Variants in LEMD1 observed in about 807,000 individuals in gnomAD.
The protein encoded by LEMD1 is LEM domain-containing protein 1.
In LEMD1, 18 loss-of-function variants were observed where a neutral mutation model predicts 17.4. The ratio of observed to expected loss-of-function variants is 1.04; its 90% confidence interval spans 0.72 to 1.54. LEMD1 has a LOEUF of 1.54. Ranked by LOEUF, LEMD1 falls within the 40% of genes most tolerant of loss-of-function variation. The pLI, the probability that LEMD1 is intolerant of heterozygous loss-of-function variation, is 0.00. For missense variants in LEMD1, 195 were observed against 210.4 expected (o/e 0.93, Z 0.45); for synonymous variants, 88 against 77.8 (o/e 1.13, Z -0.69).
intron 4 of LEMD1, among the ~76,000 whole-genome samples, chr1:205,411,700 AGG>A (rs1665458769): frequency 1.3e-5 from 2 of 151,490 alleles, no homozygotes; most frequent in African/African-American, 4.9e-5. Flanking sequence ...AGAAAGAAAA[AGG>A]AAGAAAGAAA....
chr1:205,416,398 A>AT, intron 3 of LEMD1, 102 bp from the exon 4 acceptor site: 1 of 797,072 alleles, frequency 1.3e-6, no homozygotes, highest in Non-Finnish European at 2.0e-6. Flanking sequence ...ATTAGAGGAC[A>AT]TTTTTGCAAG....
At chr1:205,410,790 C>T (rs1665354198) in intron 4 of LEMD1, among the ~76,000 whole-genome samples, 1 of 151,706 alleles carries the variant, frequency 6.6e-6, no homozygotes, top group African/African-American at 2.4e-5. Context: ...AACTTGAGCT[C>T]AAGGAGGTCA....
At chr1:205,401,771 C>T (rs1488124156) in intron 4 of LEMD1, among the ~76,000 whole-genome samples, 1 of 152,050 alleles carries the variant, frequency 6.6e-6, no homozygotes, top group Non-Finnish European at 1.5e-5. Flanking sequence ...ACATGAAGTC[C>T]TTGCCCATGC....
At chr1:205,406,480 G>A (rs867750091) in intron 4 of LEMD1, among the ~76,000 whole-genome samples, 10 of 152,342 alleles carry the variant, frequency 6.6e-5, no homozygotes, top group South Asian at 6.2e-4. Flanking sequence ...AGCAATCAGC[G>A]AGACTCTGTG....
chr1:205,405,888 A>T (rs35240802), intron 4 of LEMD1, among the ~76,000 whole-genome samples: 6 of 151,076 alleles, frequency 4.0e-5, no homozygotes, highest in Non-Finnish European at 8.9e-5. Flanking sequence ...TTTGGTGTGG[A>T]TGTCCTTTCT....
intron 1 of LEMD1, among the ~76,000 whole-genome samples, chr1:205,442,272 G>A (rs968203097): frequency 6.6e-6 from 1 of 152,168 alleles, no homozygotes; most frequent in Non-Finnish European, 1.5e-5. Context: ...TGCGGAAGGG[G>A]TTTGGAATAG....
intron 1 of LEMD1, among the ~76,000 whole-genome samples, chr1:205,443,276 T>C (rs544924089): frequency 2.9e-4 from 44 of 152,330 alleles, no homozygotes; most frequent in African/African-American, 1.1e-3. Flanking sequence ...GCTCAGGGTC[T>C]CTGGCCCCAG....
intron 1 of LEMD1, among the ~76,000 whole-genome samples, chr1:205,447,294 G>A (rs1386003771): frequency 2.0e-5 from 3 of 152,340 alleles, no homozygotes; most frequent in Non-Finnish European, 4.4e-5. Context: ...AGGATGAAAT[G>A]GGTTAGTGCA....
intron 4 of LEMD1, among the ~76,000 whole-genome samples, chr1:205,391,058 T>C (rs1052510582): frequency 7.9e-5 from 12 of 152,072 alleles, no homozygotes; most frequent in Non-Finnish European, 1.6e-4. Flanking sequence ...AAGTACCCCC[T>C]GAATCTAAAA....
At chr1:205,424,801 G>A (rs1273521557), upstream of LEMD1, among the ~76,000 whole-genome samples, 1 of 152,142 alleles carries the variant, frequency 6.6e-6, no homozygotes, top group Non-Finnish European at 1.5e-5. Context: ...CACACTAAGG[G>A]CTCTGCCTTC....
At chr1:205,412,135 C>T (rs764815022) in intron 4 of LEMD1, among the ~76,000 whole-genome samples, 6 of 152,162 alleles carry the variant, frequency 3.9e-5, no homozygotes, top group Non-Finnish European at 5.9e-5. Context: ...ATACGGCCAC[C>T]TTACTCAAAG....
intron 4 of LEMD1, among the ~76,000 whole-genome samples, chr1:205,394,674 C>A (rs559293666): frequency 6.6e-6 from 1 of 152,240 alleles, no homozygotes; most frequent in East Asian, 1.9e-4. Context: ...CATGAGCCAC[C>A]AAGTCTGGCC....
intron 4 of LEMD1, among the ~76,000 whole-genome samples, chr1:205,401,659 C>G (rs1320848630): frequency 6.6e-6 from 1 of 152,152 alleles, no homozygotes; most frequent in Admixed American, 6.5e-5. Flanking sequence ...CCTGTTCACT[C>G]TTTTGCTGTG....
At chr1:205,392,692 AAC>A (rs1014628699) in intron 4 of LEMD1, among the ~76,000 whole-genome samples, 1 of 152,278 alleles carries the variant, frequency 6.6e-6, no homozygotes, top group African/African-American at 2.4e-5. Flanking sequence ...GAAAAAAATA[AAC>A]AGTGTCTCAG....
chr1:205,434,177 T>A (rs1266016239), intron 1 of LEMD1, among the ~76,000 whole-genome samples: 1 of 53,894 alleles, frequency 1.9e-5, no homozygotes, highest in Non-Finnish European at 5.9e-5. Context: ...CAACTAAGGA[T>A]TCTTATCTTT....
intron 3 of LEMD1, among the ~76,000 whole-genome samples, chr1:205,417,822 T>C (rs1465269937): frequency 1.2e-4 from 12 of 96,602 alleles, no homozygotes; most frequent in Non-Finnish European, 1.7e-4. Context: ...TTTTTGTAGA[T>C]CAGACATGGT....
At chr1:205,433,770 G>C (rs1426912554) in intron 1 of LEMD1, among the ~76,000 whole-genome samples, 1 of 152,196 alleles carries the variant, frequency 6.6e-6, no homozygotes, top group East Asian at 1.9e-4. Context: ...TAGGCATCAT[G>C]GTGGCTGAGC....
intron 1 of LEMD1, among the ~76,000 whole-genome samples, chr1:205,439,575 T>C (rs940668356): frequency 5.3e-5 from 8 of 152,190 alleles, no homozygotes; most frequent in African/African-American, 1.9e-4. Flanking sequence ...GAGGCCCACA[T>C]TCCAAGGAAA....
intron 4 of LEMD1, among the ~76,000 whole-genome samples, chr1:205,395,264 AG>A (rs1664536545): frequency 6.6e-6 from 1 of 152,196 alleles, no homozygotes; most frequent in African/African-American, 2.4e-5. Flanking sequence ...TGACCACGTA[AG>A]AATTCTTTGT....
Sources: gnomAD v4.1 joint callset for allele counts (sites outside exome capture counted in the v4.1 genomes callset) on GRCh38, gnomAD v4.1.1 for gene constraint, MANE v1.5 for transcripts, NCBI Gene and HGNC (gene_info 2026-07-23, HGNC 2026-07-21) for gene names.